The following TAFA5 variants were observed in gnomAD, a reference collection of about 807,000 sequenced individuals.
TAFA5 encodes chemokine-like protein TAFA-5.
Under a neutral mutation model 15.3 loss-of-function variants are expected in TAFA5, and 6 were observed. The observed-to-expected ratio is 0.39, with a 90% confidence interval of 0.21 to 0.77. The LOEUF is 0.77. TAFA5 is among the 30% of genes least tolerant of loss of function. The pLI is 0.41. For missense variants in TAFA5, 161 were observed against 193.1 expected, an observed-to-expected ratio of 0.83 and a Z score of 0.98; for synonymous variants, 103 against 80.7, an observed-to-expected ratio of 1.28 and a Z score of -1.48.
In TAFA5 at chr22:48,594,627, A is replaced by G. The variant is rs549570597; in HGVS notation, c.113-51970A>G. 4.2e-3 allele frequency among the ~76,000 whole-genome samples: 647 copies of G among 152,322 alleles called. 3 individuals carry two copies. The highest frequency in any genetic ancestry group is 0.014 in the African/African-American group (577 of 41,566). On this transcript the variant is annotated intron_variant, in intron 1 of 3. Coordinates refer to ENST00000402357, the MANE Select transcript of TAFA5 (RefSeq NM_001082967.3). ...CCCGTCGGCTGCCAGCCATCTCTGC[A>G]TCCTGCCTTTGAGCCTCTGCACAGC...
At chr22:48,574,325 C>T (rs778694317) in intron 1 of TAFA5, among the ~76,000 whole-genome samples, 1 of 152,048 alleles carries the variant, frequency 6.6e-6, no homozygotes, top group African/African-American at 2.4e-5. Context: ...AGGTGAAGAA[C>T]TGCTTCGTGG....
At chr22:48,678,390 A>G (rs962298008) in intron 2 of TAFA5, among the ~76,000 whole-genome samples, 2 of 152,224 alleles carry the variant, frequency 1.3e-5, no homozygotes, top group African/African-American at 2.4e-5. Context: ...GCAAAGACAC[A>G]GGCCTCAAAT....
intron 1 of TAFA5, among the ~76,000 whole-genome samples, chr22:48,600,265 G>A (rs1049003294): frequency 1.2e-4 from 18 of 152,210 alleles, no homozygotes; most frequent in South Asian, 2.1e-4. Context: ...GACGAGGGGC[G>A]TCCCCGGGGA....
At chr22:48,540,547 C>G (rs1156511260) in intron 1 of TAFA5, among the ~76,000 whole-genome samples, 1 of 152,132 alleles carries the variant, frequency 6.6e-6, no homozygotes, top group Non-Finnish European at 1.5e-5. Context: ...AGGACCCAGT[C>G]CCACCTCGAG....
chr22:48,533,233 GAATA>G (rs1922032621), intron 1 of TAFA5, among the ~76,000 whole-genome samples: 1 of 152,168 alleles, frequency 6.6e-6, no homozygotes, highest in Non-Finnish European at 1.5e-5. Context: ...AAGGAGCAAA[GAATA>G]GAAGTCTCAT....
chr22:48,717,014 G>C (rs1929420810), intron 3 of TAFA5, among the ~76,000 whole-genome samples: 1 of 152,168 alleles, frequency 6.6e-6, no homozygotes. Context: ...TCAAAGAAAT[G>C]CTTTCTAAAA....
rs115030127 is a variant in TAFA5 at position 48,597,760 on chromosome 22, C to T, written c.113-48837C>T. Among the ~76,000 whole-genome samples the T allele has an allele frequency of 7.9e-3, 1,208 of 152,362 alleles. 18 individuals carry two copies. The highest frequency in any genetic ancestry group is 0.027 in the African/African-American group (1,121 of 41,574). ...AAAACTCTTACTGGCACTTCTCAGC[C>T]GACTGGCTCCAGACACACGTGGTAG... is the stretch of plus-strand genomic sequence containing the variant. On this transcript the variant is annotated intron_variant, in intron 1 of 3. Coordinates refer to ENST00000402357, the MANE Select transcript of TAFA5 (RefSeq NM_001082967.3).
intron 1 of TAFA5, among the ~76,000 whole-genome samples, chr22:48,634,120 G>GCTCA (rs71194366): frequency 0.61 from 92,391 of 150,696 alleles, 28,735 homozygotes; most frequent in East Asian, 0.81. Flanking sequence ...TCACTCACTC[G>GCTCA]CTCACTCACT....
At chr22:48,535,879 C>T (rs771671004) in intron 1 of TAFA5, among the ~76,000 whole-genome samples, 30 of 152,026 alleles carry the variant, frequency 2.0e-4, no homozygotes, top group African/African-American at 1.4e-4. Context: ...TATGAGCACT[C>T]GTGTGTGTGC....
At chr22:48,635,546 A>G (rs1418094147) in intron 1 of TAFA5, among the ~76,000 whole-genome samples, 1 of 152,142 alleles carries the variant, frequency 6.6e-6, no homozygotes, top group African/African-American at 2.4e-5. Flanking sequence ...GGGGCTCTTG[A>G]GCAGCCCCTG....
intron 1 of TAFA5, among the ~76,000 whole-genome samples, chr22:48,631,007 G>A (rs948446356): frequency 6.6e-6 from 1 of 152,200 alleles, no homozygotes; most frequent in African/African-American, 2.4e-5. Flanking sequence ...AGGGGCCGGC[G>A]CTCTGGAATG....
intron 2 of TAFA5, among the ~76,000 whole-genome samples, chr22:48,702,061 G>T (rs1398949696): frequency 6.6e-6 from 1 of 152,180 alleles, no homozygotes; most frequent in Non-Finnish European, 1.5e-5. Flanking sequence ...CAGGGAGCCA[G>T]GTGGCCCCGG....
At chr22:48,514,263 G>T (rs1921324815) in intron 1 of TAFA5, among the ~76,000 whole-genome samples, 1 of 152,220 alleles carries the variant, frequency 6.6e-6, no homozygotes, top group East Asian at 1.9e-4. Context: ...TTGGGAGGTG[G>T]TGGTAGGCAT....
intron 3 of TAFA5, among the ~76,000 whole-genome samples, chr22:48,735,310 A>G (rs9628527): frequency 0.06 from 9,130 of 152,254 alleles, 776 homozygotes; most frequent in African/African-American, 0.19. Context: ...ACGCTAGGAG[A>G]CAGATCACAG....
intron 1 of TAFA5, among the ~76,000 whole-genome samples, chr22:48,582,561 ACCACACACAAAATACG>A (rs1294828073): frequency 1.3e-5 from 2 of 150,910 alleles, no homozygotes; most frequent in African/African-American, 4.9e-5. Context: ...CACAAAATAC[ACCACACACAAAATACG>A]CCACATACCA....
At chr22:48,576,394 C>G in intron 1 of TAFA5, 1 of 1,231,006 alleles carries the variant, frequency 8.1e-7, no homozygotes, top group South Asian at 3.8e-5. Flanking sequence ...CGGGCGGCCG[C>G]GGAGGCTGCA....
intron 2 of TAFA5, among the ~76,000 whole-genome samples, chr22:48,679,719 C>T (rs1003525491): frequency 9.6e-5 from 11 of 114,552 alleles, no homozygotes; most frequent in Non-Finnish European, 1.6e-4. Context: ...ATCCCTCTCC[C>T]GGCTCCCCGT....
intron 3 of TAFA5, among the ~76,000 whole-genome samples, chr22:48,714,866 C>T (rs1929356190): frequency 6.6e-6 from 1 of 152,200 alleles, no homozygotes; most frequent in Non-Finnish European, 1.5e-5. Flanking sequence ...GAGGAGGCCC[C>T]TCTTTTGCCT....
chr22:48,672,390 T>G (rs1772385632), intron 2 of TAFA5, among the ~76,000 whole-genome samples: 1 of 152,248 alleles, frequency 6.6e-6, no homozygotes, highest in African/African-American at 2.4e-5. Flanking sequence ...GAAATAGTTC[T>G]TTTATTGCCC....
Sources: gnomAD v4.1 joint callset for allele counts (sites outside exome capture counted in the v4.1 genomes callset) on GRCh38, gnomAD v4.1.1 for gene constraint, MANE v1.5 for transcripts, NCBI Gene and HGNC (gene_info 2026-07-23, HGNC 2026-07-21) for gene names.